Variants in FOXN3 observed in about 807,000 individuals in gnomAD.
FOXN3 encodes the protein forkhead box protein N3.
A neutral mutation model predicts 38.4 loss-of-function variants in FOXN3; 7 were observed. That is an observed-to-expected ratio of 0.18 (90% CI 0.10 to 0.34). FOXN3 has a LOEUF of 0.34. Ranked by LOEUF, FOXN3 falls within the 10% of genes least tolerant of loss-of-function variation. The pLI is 1.00. For missense variants in FOXN3, 456 were observed against 613.4 expected, an observed-to-expected ratio of 0.74 and a Z score of 2.71; for synonymous variants, 230 against 242.2, an observed-to-expected ratio of 0.95 and a Z score of 0.47.
At chr14:89,419,282 C>T (rs1045737142), upstream of FOXN3, 2 of 446,844 alleles carry the variant, frequency 4.5e-6, no homozygotes, top group African/African-American at 4.0e-5. Context: ...GGAAAAAATG[C>T]TGAAAGCCAA....
chr14:89,334,166 C>A (rs1014655966), intron 3 of FOXN3, among the ~76,000 whole-genome samples: 10 of 151,846 alleles, frequency 6.6e-5, no homozygotes, highest in African/African-American at 2.2e-4. Context: ...ACAAATAGCA[C>A]ATGATCTCAC....
chr14:89,391,197 C>T (rs1890936129), intron 2 of FOXN3, among the ~76,000 whole-genome samples: 1 of 152,158 alleles, frequency 6.6e-6, no homozygotes, highest in African/African-American at 2.4e-5. Flanking sequence ...TTTTCAAGGG[C>T]GGTAAGTGAA....
chr14:89,366,220 T>G (rs947183918), intron 2 of FOXN3, among the ~76,000 whole-genome samples: 1 of 149,884 alleles, frequency 6.7e-6, no homozygotes, highest in Non-Finnish European at 1.5e-5. Flanking sequence ...ACCACTGCAC[T>G]CCAGCCTGGG....
In FOXN3 at chr14:89,548,694, T is replaced by A. The variant is rs1770224069; in HGVS notation, c.-15+70334A>T. On this transcript the variant is annotated intron_variant, in intron 1 of 6. Transcript: ENST00000345097. The surrounding 1 kb of genome is among the most constrained non-coding windows in gnomAD (Gnocchi z 4.8). ...TTTTCAATTTATATATATGTATGTA[T>A]GTATGTATATATGCCTATATATTAC... 1.3e-5 allele frequency among the ~76,000 whole-genome samples: 2 copies of A among 152,210 alleles called. No individual in the cohort carries two copies. The highest frequency in any genetic ancestry group is 2.9e-5 in the Non-Finnish European group (2 of 68,042).
At chr14:89,551,979 C>T (rs1241161741) in intron 1 of FOXN3, among the ~76,000 whole-genome samples, 3 of 152,200 alleles carry the variant, frequency 2.0e-5, no homozygotes, top group Non-Finnish European at 4.4e-5. Context: ...TAGTACTAGT[C>T]ACCTAAGAAA....
chr14:89,452,259 G>T (rs570412096), intron 1 of FOXN3, among the ~76,000 whole-genome samples: 1 of 152,208 alleles, frequency 6.6e-6, no homozygotes, highest in East Asian at 1.9e-4. Context: ...TCCTAATTTG[G>T]TTCTGAATCA....
rs550025915 is a variant in FOXN3, at chr14:89,589,357, T to C, written c.-15+29671A>G. Among the ~76,000 whole-genome samples the C allele has an allele frequency of 1.5e-4, 23 of 152,270 alleles. 1 individual carries two copies. The South Asian group carries it at 4.4e-3, about 29-fold the overall frequency. On this transcript the variant is annotated intron_variant, in intron 1 of 6. Transcript: ENST00000345097. ...AACACAATAAACTTGTCAGAACCTT[T>C]AATAACTTCCACAAAATCAAATCAT...
At chr14:89,311,203 G>GT (rs34410208) in intron 3 of FOXN3, among the ~76,000 whole-genome samples, 41,839 of 149,246 alleles carry the variant, frequency 0.28, 5,950 homozygotes, top group Admixed American at 0.35. Context: ...AAAATAAGGT[G>GT]TATCGGGCCG....
intron 1 of FOXN3, among the ~76,000 whole-genome samples, chr14:89,531,043 T>G (rs1894553646): frequency 6.8e-6 from 1 of 147,846 alleles, no homozygotes; most frequent in African/African-American, 2.5e-5. Context: ...TATATACACA[T>G]TTATTATATA....
At chr14:89,518,189 G>A (rs1318424053) in intron 1 of FOXN3, among the ~76,000 whole-genome samples, 2 of 152,144 alleles carry the variant, frequency 1.3e-5, no homozygotes, top group Non-Finnish European at 2.9e-5. Flanking sequence ...CTCTCCCCCT[G>A]AAGGTTCCCT....
At chr14:89,409,150 C>T (rs1234599971) in intron 2 of FOXN3, 3 of 152,250 alleles carry the variant, frequency 2.0e-5, no homozygotes, top group Non-Finnish European at 2.9e-5. Context: ...AACAAACTCC[C>T]AACCACAAAA....
chr14:89,530,354 T>C (rs1369115000), intron 1 of FOXN3, among the ~76,000 whole-genome samples: 1 of 152,134 alleles, frequency 6.6e-6, no homozygotes, highest in African/African-American at 2.4e-5. Context: ...ATGTCTTACA[T>C]GGCAGCAGGC....
At chr14:89,321,183 C>G (rs559544536) in intron 3 of FOXN3, among the ~76,000 whole-genome samples, 2 of 151,980 alleles carry the variant, frequency 1.3e-5, no homozygotes, top group African/African-American at 2.4e-5. Flanking sequence ...CCCACCTACT[C>G]GGGAGGCTGA....
chr14:89,602,802 A>G (rs1896180231), intron 1 of FOXN3, among the ~76,000 whole-genome samples: 1 of 152,122 alleles, frequency 6.6e-6, no homozygotes, highest in Non-Finnish European at 1.5e-5. Flanking sequence ...GGCAGGTGAC[A>G]TTTTCAAAAG....
At chr14:89,183,604 G>C (rs1257237325) in intron 4 of FOXN3, among the ~76,000 whole-genome samples, 2 of 152,142 alleles carry the variant, frequency 1.3e-5, no homozygotes, top group Non-Finnish European at 1.5e-5. Context: ...CCTTCCTGTA[G>C]GAAGTGTCAA....
chr14:89,513,664 G>A (rs1386124549), intron 1 of FOXN3, among the ~76,000 whole-genome samples: 1 of 151,886 alleles, frequency 6.6e-6, no homozygotes, highest in African/African-American at 2.4e-5. Context: ...GCACGATCTC[G>A]GCTCACCACA....
intron 4 of FOXN3, among the ~76,000 whole-genome samples, chr14:89,203,493 C>T (rs373839079): frequency 2.0e-5 from 3 of 152,356 alleles, no homozygotes; most frequent in African/African-American, 4.8e-5. Context: ...GGCTGTCTGC[C>T]AGGCTAGGTG....
intron 4 of FOXN3, among the ~76,000 whole-genome samples, chr14:89,274,332 G>C (rs925540740): frequency 6.6e-6 from 1 of 152,180 alleles, no homozygotes; most frequent in Non-Finnish European, 1.5e-5. Flanking sequence ...GAGAGTTTTG[G>C]AAGTTTTTTC....
At chr14:89,478,706 C>T (rs548619322) in intron 1 of FOXN3, among the ~76,000 whole-genome samples, 8 of 151,926 alleles carry the variant, frequency 5.3e-5, no homozygotes, top group Admixed American at 3.3e-4. Flanking sequence ...CCGAGGCAGG[C>T]GGATCACTTG....
Sources: gnomAD v4.1 joint callset for allele counts (sites outside exome capture counted in the v4.1 genomes callset) on GRCh38, gnomAD v4.1.1 for gene constraint, Gnocchi (gnomAD v3.1) non-coding constraint, MANE v1.5 for transcripts, NCBI Gene and HGNC (gene_info 2026-07-23, HGNC 2026-07-21) for gene names.